The following HS3ST5 variants were observed in gnomAD, a reference collection of about 807,000 sequenced individuals.
HS3ST5 encodes heparan sulfate glucosamine 3-O-sulfotransferase 5.
In HS3ST5, 10 loss-of-function variants were observed where a neutral mutation model predicts 25.4. The observed-to-expected ratio is 0.39, with a 90% CI of 0.24 to 0.67. The LOEUF is 0.67. HS3ST5 is among the 30% of genes least tolerant of loss of function. HS3ST5 has a pLI of 0.44. For synonymous variants in HS3ST5, 170 were observed against 162.4 expected, an observed-to-expected ratio of 1.05 and a Z score of -0.36; for missense variants, 324 against 420.7, an observed-to-expected ratio of 0.77 and a Z score of 2.01.
intron 1 of HS3ST5, among the ~76,000 whole-genome samples, chr6:114,268,237 G>A (rs922721371): frequency 2.0e-5 from 3 of 152,122 alleles, no homozygotes; most frequent in African/African-American, 7.2e-5. Flanking sequence ...GATGTATCAG[G>A]TATACGGGTT....
chr6:114,253,529 G>GT (rs1178570407), intron 1 of HS3ST5, among the ~76,000 whole-genome samples: 1 of 152,188 alleles, frequency 6.6e-6, no homozygotes, highest in Admixed American at 6.5e-5. Flanking sequence ...CAGAAGGGCT[G>GT]TAAGTTTTAA....
intron 1 of HS3ST5, among the ~76,000 whole-genome samples, chr6:114,285,825 A>G (rs1034122947): frequency 6.6e-6 from 1 of 152,062 alleles, no homozygotes; most frequent in African/African-American, 2.4e-5. Flanking sequence ...CTTAAAATAA[A>G]ATAAAATTTA....
chr6:114,128,389 A>T (rs748123930), intron 3 of HS3ST5, among the ~76,000 whole-genome samples: 1 of 152,192 alleles, frequency 6.6e-6, no homozygotes, highest in African/African-American at 2.4e-5. Context: ...AGCCATGTAA[A>T]TATTTAGAAC....
chr6:114,147,099 A>G (rs1405487252), intron 3 of HS3ST5, among the ~76,000 whole-genome samples: 4 of 152,010 alleles, frequency 2.6e-5, no homozygotes, highest in Non-Finnish European at 2.9e-5. Context: ...ATATAGGGGG[A>G]CTCTGTGGGC....
chr6:114,273,528 C>T (rs886245015), intron 1 of HS3ST5, among the ~76,000 whole-genome samples: 7 of 151,852 alleles, frequency 4.6e-5, no homozygotes, highest in South Asian at 2.1e-4. Context: ...AGACATCCAG[C>T]GTCTGAGCCT....
chr6:114,320,370 C>A (rs1445365122), intron 1 of HS3ST5, among the ~76,000 whole-genome samples: 1 of 152,068 alleles, frequency 6.6e-6, no homozygotes. Flanking sequence ...TATGCTGATT[C>A]ATTATGTCTT....
chr6:114,272,495 T>C (rs1266967008), intron 1 of HS3ST5, among the ~76,000 whole-genome samples: 2 of 152,152 alleles, frequency 1.3e-5, no homozygotes, highest in Admixed American at 1.3e-4. Flanking sequence ...GCCTTTCTAA[T>C]GTTGCATTAG....
At chr6:114,267,141 ATAAC>A (rs1457850890) in intron 1 of HS3ST5, among the ~76,000 whole-genome samples, 5 of 152,234 alleles carry the variant, frequency 3.3e-5, no homozygotes, top group African/African-American at 1.2e-4. Flanking sequence ...AAAAAATCAA[ATAAC>A]TAAAGATTTA....
intron 3 of HS3ST5, among the ~76,000 whole-genome samples, chr6:114,089,760 G>A (rs1030488633): frequency 6.6e-6 from 1 of 152,072 alleles, no homozygotes; most frequent in Admixed American, 6.5e-5. Context: ...TGAGGCAAGG[G>A]GTATAATTTG....
chr6:114,316,026 G>T (rs1775733007), intron 1 of HS3ST5, among the ~76,000 whole-genome samples: 1 of 152,248 alleles, frequency 6.6e-6, no homozygotes, highest in Non-Finnish European at 1.5e-5. Flanking sequence ...ACCACAAGCT[G>T]CCAAGGCTTT....
intron 3 of HS3ST5, among the ~76,000 whole-genome samples, chr6:114,143,260 A>C (rs1054399000): frequency 6.6e-6 from 1 of 152,248 alleles, no homozygotes; most frequent in African/African-American, 2.4e-5. Flanking sequence ...TAAAGGTTAA[A>C]TGAGTTAATA....
rs558901717 is a variant in HS3ST5, at chr6:114,092,692, T to G, written c.-32-29815A>C. On this transcript the variant is annotated intron_variant, in intron 3 of 4. Transcript: ENST00000312719. ...TTTATTTATTTTGTTTTTTTTTTTT[T>G]GAGAAGGAGTTTCACTCTTTTTGCC... 3.2e-4 allele frequency among the ~76,000 whole-genome samples: 49 copies of G among 151,502 alleles called. 1 individual carries two copies. The highest frequency in any genetic ancestry group is 6.6e-4 in the Admixed American group (10 of 15,234).
At chr6:114,197,388 C>T (rs942031900) in intron 2 of HS3ST5, among the ~76,000 whole-genome samples, 18 of 151,986 alleles carry the variant, frequency 1.2e-4, no homozygotes, top group Admixed American at 6.6e-5. Context: ...TAGTCTAAAA[C>T]GTTTTCCAAC....
chr6:114,243,052 A>T (rs1212829151), intron 1 of HS3ST5, among the ~76,000 whole-genome samples: 2 of 152,200 alleles, frequency 1.3e-5, no homozygotes, highest in Non-Finnish European at 2.9e-5. Context: ...TGGCTTATCC[A>T]AGGAGGAGGA....
intron 3 of HS3ST5, among the ~76,000 whole-genome samples, chr6:114,135,090 C>T (rs145659885): frequency 1.1e-4 from 16 of 152,308 alleles, no homozygotes; most frequent in African/African-American, 3.4e-4. Context: ...ATGAGACATA[C>T]AGAGGCCTAA....
intron 1 of HS3ST5, among the ~76,000 whole-genome samples, chr6:114,287,765 G>T (rs778749697): frequency 6.6e-6 from 1 of 151,808 alleles, no homozygotes; most frequent in Non-Finnish European, 1.5e-5. Context: ...TAGCAGAACC[G>T]ACCAATGGTC....
At chr6:114,256,040 T>C (rs1012683355) in intron 1 of HS3ST5, among the ~76,000 whole-genome samples, 27 of 152,312 alleles carry the variant, frequency 1.8e-4, no homozygotes, top group Admixed American at 1.8e-3. Context: ...TTTTCTAAAC[T>C]TTTATGCTCT....
intron 1 of HS3ST5, among the ~76,000 whole-genome samples, chr6:114,286,091 G>A (rs941087201): frequency 1.3e-4 from 19 of 151,684 alleles, no homozygotes; most frequent in African/African-American, 3.2e-4. Flanking sequence ...CTCCTTTCCC[G>A]GTGTCTACTT....
At chr6:114,179,623 T>C (rs576497744) in intron 2 of HS3ST5, among the ~76,000 whole-genome samples, 1 of 151,900 alleles carries the variant, frequency 6.6e-6, no homozygotes, top group Non-Finnish European at 1.5e-5. Flanking sequence ...TTTTGAACCT[T>C]GGTCTCTTGT....
Sources: gnomAD v4.1 joint callset for allele counts (sites outside exome capture counted in the v4.1 genomes callset) on GRCh38, gnomAD v4.1.1 for gene constraint, MANE v1.5 for transcripts, NCBI Gene and HGNC (gene_info 2026-07-23, HGNC 2026-07-21) for gene names.